CDH18: variants seen among roughly 807,000 people sequenced by gnomAD.
CDH18 encodes cadherin 18, also known as cadherin-18.
Under a neutral mutation model 67.9 loss-of-function variants are expected in CDH18, and 31 were observed. That is an observed-to-expected ratio of 0.46 (90% CI 0.34 to 0.62). CDH18 has a LOEUF of 0.62. Among genes scored for constraint, CDH18 ranks in the 20% least tolerant of loss-of-function variants. The pLI, the probability that CDH18 is intolerant of heterozygous loss-of-function variation, is 0.01. For missense variants in CDH18, 890 were observed against 975.5 expected (o/e 0.91, Z 1.17); for synonymous variants, 362 against 347.2 (o/e 1.04, Z -0.48).
At chr5:20,168,868 G>A (rs1009209586) in intron 2 of CDH18, among the ~76,000 whole-genome samples, 2 of 152,000 alleles carry the variant, frequency 1.3e-5, no homozygotes, top group African/African-American at 4.8e-5. Context: ...AGATGATTAC[G>A]GTAAATGAAA....
At chr5:20,379,537 C>T (rs1405216953) in intron 1 of CDH18, among the ~76,000 whole-genome samples, 1 of 152,012 alleles carries the variant, frequency 6.6e-6, no homozygotes, top group Non-Finnish European at 1.5e-5. Flanking sequence ...CCATGAAACA[C>T]ACTAAATATA....
In CDH18 at chr5:19,734,224, T is replaced by C. The variant is rs112244998; in HGVS notation, c.523+12718A>G. ...GAAAGAGAAATAGCACATTATCATT[T>C]AAAAACTGAGTTGATGTTTTCCCCT... On this transcript the variant is annotated intron_variant, in intron 4 of 12. Coordinates refer to ENST00000382275, the MANE Select transcript of CDH18 (RefSeq NM_004934.5). Among the ~76,000 whole-genome samples, 626 of 152,338 alleles carry C rather than the reference T, an allele frequency of 4.1e-3. 1 individual carries two copies. The highest frequency in any genetic ancestry group is 6.0e-3 in the South Asian group (29 of 4,830).
intron 1 of CDH18, among the ~76,000 whole-genome samples, chr5:20,272,282 A>C (rs1371474003): frequency 6.6e-6 from 1 of 152,088 alleles, no homozygotes; most frequent in African/African-American, 2.4e-5. Flanking sequence ...TGAGAGCAGT[A>C]TCTGAGATGG....
chr5:19,697,347 T>TATAA (rs1464150586), intron 5 of CDH18, among the ~76,000 whole-genome samples: 1 of 152,192 alleles, frequency 6.6e-6, no homozygotes, highest in Non-Finnish European at 1.5e-5. Flanking sequence ...ATATAGCTCA[T>TATAA]ATAAATAGAA....
chr5:20,183,151 GGCTCA>G (rs66867113), intron 2 of CDH18, among the ~76,000 whole-genome samples: 98,928 of 151,264 alleles, frequency 0.65, 32,403 homozygotes, highest in Middle Eastern at 0.75. Context: ...ATATGTAAAG[GGCTCA>G]GAATAGTGTC....
chr5:20,310,424 G>A (rs917033685), intron 1 of CDH18, among the ~76,000 whole-genome samples: 2 of 151,966 alleles, frequency 1.3e-5, no homozygotes, highest in Admixed American at 1.3e-4. Flanking sequence ...TTTAATTGGG[G>A]GAAATATACC....
At chr5:20,139,615 T>G (rs1750060453) in intron 2 of CDH18, among the ~76,000 whole-genome samples, 1 of 151,840 alleles carries the variant, frequency 6.6e-6, no homozygotes, top group South Asian at 2.1e-4. Flanking sequence ...TCAAACAAAT[T>G]TACAAGAAAA....
At chr5:20,405,661 T>C (rs1432923382) in intron 1 of CDH18, among the ~76,000 whole-genome samples, 2 of 151,832 alleles carry the variant, frequency 1.3e-5, no homozygotes, top group African/African-American at 2.4e-5. Context: ...ACCTACAGAA[T>C]GGGAGAAAAT....
chr5:20,070,274 CTGTT>C (rs1386847297), intron 2 of CDH18, among the ~76,000 whole-genome samples: 2 of 151,916 alleles, frequency 1.3e-5, no homozygotes, highest in Non-Finnish European at 1.5e-5. Context: ...AGCTGTATCA[CTGTT>C]TATTTATTTG....
intron 12 of CDH18, among the ~76,000 whole-genome samples, chr5:19,480,017 C>T (rs1232828645): frequency 6.6e-6 from 1 of 152,076 alleles, no homozygotes; most frequent in Admixed American, 6.6e-5. Flanking sequence ...TGTACCTAGA[C>T]ATTTAACACA....
At position 20,424,408 on chromosome 5, in the gene CDH18, T is replaced by C. The variant is rs1050638431; in HGVS notation, c.-580+151054A>G. Among the ~76,000 whole-genome samples the C allele has an allele frequency of 2.1e-5, 3 of 139,808 alleles. 1 individual carries two copies. The highest frequency in any genetic ancestry group is 8.2e-5 in the African/African-American group (3 of 36,610). The allele number at this position is 139,808 out of a possible 152,430, so 91.7% of individuals were successfully genotyped here. On this transcript the variant is annotated intron_variant, in intron 1 of 14. Coordinates refer to the CDH18 transcript ENST00000507958. ...TTCAGAGCTACAGAGTTTCAGATTATCTTTTTTTTTTGTTTCCAAGAACAA... is the reference window on the plus strand; with the variant it reads ...TTCAGAGCTACAGAGTTTCAGATTACCTTTTTTTTTTGTTTCCAAGAACAA...
chr5:19,650,204 A>G (rs1232806804), intron 5 of CDH18, among the ~76,000 whole-genome samples: 1 of 152,014 alleles, frequency 6.6e-6, no homozygotes. Context: ...AAAGCATCAT[A>G]AAATGTTTAA....
intron 2 of CDH18, among the ~76,000 whole-genome samples, chr5:19,912,645 T>C (rs1315468185): frequency 6.6e-6 from 1 of 152,186 alleles, no homozygotes; most frequent in Non-Finnish European, 1.5e-5. Flanking sequence ...TACAAATTCA[T>C]AGGCAACTGA....
intron 9 of CDH18, among the ~76,000 whole-genome samples, chr5:19,534,708 C>T (rs1422525205): frequency 2.6e-5 from 4 of 152,028 alleles, no homozygotes; most frequent in Admixed American, 6.6e-5. Context: ...CCAATTATTC[C>T]AGCCTGGTAT....
chr5:20,570,971 A>G (rs1758783310), intron 1 of CDH18, among the ~76,000 whole-genome samples: 1 of 152,194 alleles, frequency 6.6e-6, no homozygotes, highest in Non-Finnish European at 1.5e-5. Flanking sequence ...ATAGAAACCA[A>G]CATATACTTT....
At chr5:20,488,903 C>A (rs1403808654) in intron 1 of CDH18, among the ~76,000 whole-genome samples, 1 of 151,856 alleles carries the variant, frequency 6.6e-6, no homozygotes, top group African/African-American at 2.4e-5. Context: ...TTTTAATTTT[C>A]ATATATTAAT....
At chr5:20,305,736 G>C (rs1469140657) in intron 1 of CDH18, 3 of 344,490 alleles carry the variant, frequency 8.7e-6, no homozygotes, top group Non-Finnish European at 1.6e-5. Context: ...ACCGCTGTGG[G>C]AACCGCGCCG....
chr5:20,349,617 A>T (rs190475482), intron 1 of CDH18, among the ~76,000 whole-genome samples: 1 of 152,280 alleles, frequency 6.6e-6, no homozygotes, highest in African/African-American at 2.4e-5. Context: ...ATATAATATC[A>T]GTATATCAAG....
intron 2 of CDH18, among the ~76,000 whole-genome samples, chr5:20,102,054 G>C (rs1030691070): frequency 6.6e-6 from 1 of 152,174 alleles, no homozygotes; most frequent in Non-Finnish European, 1.5e-5. Flanking sequence ...CTGGGGGACA[G>C]AGTGAGATGC....
Sources: allele counts gnomAD v4.1 joint callset (sites outside exome capture counted in the v4.1 genomes callset), GRCh38; gene constraint gnomAD v4.1.1; transcripts MANE v1.5; gene names NCBI Gene and HGNC (gene_info 2026-07-23, HGNC 2026-07-21).